Variants in ALDH1A1 observed in about 807,000 individuals in gnomAD.
ALDH1A1 encodes aldehyde dehydrogenase 1A1.
Under a neutral mutation model 62.1 loss-of-function variants are expected in ALDH1A1, and 19 were observed. That is an observed-to-expected ratio of 0.31 (90% CI 0.21 to 0.45). The LOEUF is 0.45. Among genes scored for constraint, ALDH1A1 ranks in the 20% least tolerant of loss-of-function variants. The probability of loss-of-function intolerance (pLI) is 1.00; values close to 1 mark genes in which losing one functional copy is unlikely to be tolerated. For missense variants in ALDH1A1, 521 were observed against 607.1 expected, an observed-to-expected ratio of 0.86 and a Z score of 1.49; for synonymous variants, 231 against 215.9, an observed-to-expected ratio of 1.07 and a Z score of -0.61.
At position 72,923,122 on chromosome 9, in the gene ALDH1A1, A is replaced by G. The variant is rs572086317; in HGVS notation, c.747+897T>C. Among the ~76,000 whole-genome samples the G allele has an allele frequency of 7.2e-5, 11 of 152,264 alleles. No homozygotes were observed. In the East Asian group the frequency reaches 2.1e-3, roughly 29 times the overall value. ...AGTTAAAAAAGTAACAATTCCTCAA[A>G]ACCCAGAGCTAGTTCTAGTACCCAT... On this transcript the variant is annotated intron_variant, in intron 7 of 12. Transcript: ENST00000297785.
chr9:72,926,194 G>A (rs1164424240), intron 5 of ALDH1A1, among the ~76,000 whole-genome samples: 1 of 152,156 alleles, frequency 6.6e-6, no homozygotes, highest in East Asian at 1.9e-4. Flanking sequence ...GCCTCAGAAG[G>A]CTGTCTTGAG....
At chr9:72,918,870 C>T (rs1830098108) in intron 7 of ALDH1A1, 48 bp from the exon 8 acceptor site, 1 of 1,387,366 alleles carries the variant, frequency 7.2e-7, no homozygotes, top group Non-Finnish European at 1.0e-6. Context: ...CTCTCATGAA[C>T]ACAGGTTGCT....
chr9:72,920,527 T>G (rs1032561148), intron 7 of ALDH1A1, among the ~76,000 whole-genome samples: 2 of 152,246 alleles, frequency 1.3e-5, no homozygotes, highest in Admixed American at 1.3e-4. Flanking sequence ...TCCATTAAAG[T>G]AGATAACTTT....
chr9:72,906,458 T>G (rs1033267792), intron 11 of ALDH1A1, among the ~76,000 whole-genome samples: 33 of 152,308 alleles, frequency 2.2e-4, no homozygotes, highest in Admixed American at 5.9e-4. Flanking sequence ...AATTTTCTTT[T>G]GCAATTGTAA....
intron 7 of ALDH1A1, among the ~76,000 whole-genome samples, chr9:72,921,503 C>CTTTTTTTTTTTTTT (rs11327072): frequency 3.7e-5 from 4 of 109,504 alleles, no homozygotes; most frequent in Admixed American, 1.0e-4. Context: ...ACATTTAATT[C>CTTTTTTTTTTTTTT]TTTTTTTTTT....
At chr9:72,915,965 C>A (rs1196550275) in intron 9 of ALDH1A1, among the ~76,000 whole-genome samples, 1 of 152,146 alleles carries the variant, frequency 6.6e-6, no homozygotes, top group Non-Finnish European at 1.5e-5. Flanking sequence ...AAGAACAGAG[C>A]CTCTAAGCTT....
intron 11 of ALDH1A1, among the ~76,000 whole-genome samples, chr9:72,906,735 C>T (rs544023390): frequency 4.8e-4 from 73 of 152,260 alleles, no homozygotes; most frequent in African/African-American, 1.6e-3. Flanking sequence ...TTTAAATTTG[C>T]TGGTGGCCAA....
chr9:72,930,851 C>T, intron 3 of ALDH1A1, 28 bp downstream of exon 3: 1 of 1,613,268 alleles, frequency 6.2e-7, no homozygotes, highest in Non-Finnish European at 8.5e-7. Context: ...AGAGCTCTAG[C>T]TACCCATCCA....
At chr9:72,946,162 C>G (rs909377492) in intron 1 of ALDH1A1, among the ~76,000 whole-genome samples, 6 of 151,994 alleles carry the variant, frequency 3.9e-5, no homozygotes, top group Non-Finnish European at 5.9e-5. Context: ...ATAGAAAGTT[C>G]TGCCCATTTT....
In ALDH1A1 at chr9:72,939,849, A is replaced by G. The variant is rs377326370; in HGVS notation, c.171+299T>C. Reference sequence around the variant, plus strand: ...TTCTCTACTTTATAACCTATGATCAATCCCTTCTTATATAGTCTGTAAAAT... The same window carrying G: ...TTCTCTACTTTATAACCTATGATCAGTCCCTTCTTATATAGTCTGTAAAAT... On this transcript the variant is annotated intron_variant, in intron 2 of 12. Coordinates refer to ENST00000297785, the MANE Select transcript of ALDH1A1 (RefSeq NM_000689.5). 1.2e-3 allele frequency among the ~76,000 whole-genome samples: 182 copies of G among 152,114 alleles called. 4 individuals carry two copies. In the South Asian group the frequency reaches 0.037, roughly 31 times the overall value.
Position 72,927,169 on chromosome 9 carries a change from A to C in ALDH1A1, c.451T>G (p.Phe151Val). Residue 151 changes from phenylalanine (F) to valine (V), a missense_variant, in exon 5 of 13, where the codon TTT becomes GTT. By Grantham distance (50) the Phe-to-Val change is conservative (BLOSUM62 -1). Transcript: ENST00000297785. ...GGTTCATGTCTTGTATATGTAAAAAAATTTCCATCTGAAAAATAAAACACA... is the reference window on the plus strand; with the variant it reads ...GGTTCATGTCTTGTATATGTAAAAACATTTCCATCTGAAAAATAAAACACA... Reference protein sequence around the residue: ...QGRTIPIDGNFFTYTRHEPIG... With the variant: ...QGRTIPIDGNVFTYTRHEPIG... 1 of 1,602,560 alleles carries C rather than the reference A, an allele frequency of 6.2e-7. No homozygotes were observed. Among genetic ancestry groups the C allele is most frequent in the Non-Finnish European group, 8.5e-7 (1 of 1,174,702 alleles).
chr9:72,946,655 G>A (rs1006733222), intron 1 of ALDH1A1, among the ~76,000 whole-genome samples: 1 of 151,878 alleles, frequency 6.6e-6, no homozygotes, highest in Non-Finnish European at 1.5e-5. Flanking sequence ...TTTGAACATG[G>A]TTCTATGTTG....
At chr9:72,913,282 A>C (rs1245028445) in intron 9 of ALDH1A1, among the ~76,000 whole-genome samples, 1 of 152,186 alleles carries the variant, frequency 6.6e-6, no homozygotes, top group Non-Finnish European at 1.5e-5. Flanking sequence ...ATTTGGTACA[A>C]TGTTGCTCAA....
rs8187980 is a variant in ALDH1A1, at chr9:72,907,045, T to C, written c.1359-1013A>G. Among the ~76,000 whole-genome samples, 23 of 152,288 alleles carry C rather than the reference T, an allele frequency of 1.5e-4. No homozygotes were observed. The East Asian group carries it at 4.4e-3, about 29-fold the overall frequency. On this transcript the variant is annotated intron_variant, in intron 11 of 12. Coordinates refer to ENST00000297785, the MANE Select transcript of ALDH1A1 (RefSeq NM_000689.5). ...GGTGGCTTCCAGATAAATTGTATTA[T>C]ACTTTGAAGGTTTGGTCATTACTTT...
At chr9:72,951,327 A>G (rs1830542401) in intron 1 of ALDH1A1, among the ~76,000 whole-genome samples, 1 of 151,802 alleles carries the variant, frequency 6.6e-6, no homozygotes, top group Non-Finnish European at 1.5e-5. Flanking sequence ...TTTGTCTAGT[A>G]CCGCTTCTTA....
intron 12 of ALDH1A1, among the ~76,000 whole-genome samples, chr9:72,901,623 A>G (rs1001851266): frequency 6.6e-6 from 1 of 152,114 alleles, no homozygotes; most frequent in Non-Finnish European, 1.5e-5. Context: ...ATGAAAACAA[A>G]AAGCTCTAAA....
At chr9:72,924,874 A>G (rs1830184981) in intron 6 of ALDH1A1, among the ~76,000 whole-genome samples, 1 of 152,276 alleles carries the variant, frequency 6.6e-6, no homozygotes, top group Non-Finnish European at 1.5e-5. Context: ...AGAAAAAAGG[A>G]CAATGAATTG....
intron 2 of ALDH1A1, among the ~76,000 whole-genome samples, chr9:72,937,719 C>T (rs576920989): frequency 6.6e-6 from 1 of 152,194 alleles, no homozygotes; most frequent in Middle Eastern, 3.4e-3. Flanking sequence ...TAAGTTAATG[C>T]GGTGGCCTGG....
intron 5 of ALDH1A1, chr9:72,926,866 G>T: frequency 5.6e-6 from 2 of 356,702 alleles, no homozygotes; most frequent in Non-Finnish European, 1.0e-5. Flanking sequence ...TAGAGTAAAG[G>T]GTTAACATTT....
Sources: gnomAD v4.1 joint callset for allele counts (sites outside exome capture counted in the v4.1 genomes callset) on GRCh38, gnomAD v4.1.1 for gene constraint, MANE v1.5 for transcripts, NCBI Gene and HGNC (gene_info 2026-07-23, HGNC 2026-07-21) for gene names.